Variants in LRRC3B observed in about 807,000 individuals in gnomAD.
LRRC3B encodes the protein leucine rich repeat containing 3B, also known as leucine-rich repeat-containing protein 3B.
In LRRC3B, 2 loss-of-function variants were observed where a neutral mutation model predicts 12.8. That is an observed-to-expected ratio of 0.16 (90% CI 0.06 to 0.49). LRRC3B has a LOEUF of 0.49. LRRC3B is among the 20% of genes least tolerant of loss of function. The probability of loss-of-function intolerance (pLI) is 0.96; values close to 1 mark genes in which losing one functional copy is unlikely to be tolerated. For synonymous variants in LRRC3B, 132 were observed against 122.0 expected (o/e 1.08, Z -0.54); for missense variants, 189 against 319.4 (o/e 0.59, Z 3.11).
intron 1 of LRRC3B, among the ~76,000 whole-genome samples, chr3:26,671,400 A>AGAGAGAGAGAGAGAGAGAGG (rs1205520032): frequency 1.2e-4 from 15 of 126,966 alleles, no homozygotes; most frequent in African/African-American, 4.0e-4. Context: ...AGAGAGAGAG[A>AGAGAGAGAGAGAGAGAGAGG]GAGAGAGAGA....
chr3:26,672,025 A>T (rs556125982), intron 1 of LRRC3B, among the ~76,000 whole-genome samples: 2 of 152,308 alleles, frequency 1.3e-5, no homozygotes, highest in East Asian at 3.9e-4. Flanking sequence ...CATTTTAAAG[A>T]CGTTTCAATA....
At chr3:26,677,546 T>C (rs1699885502) in intron 1 of LRRC3B, among the ~76,000 whole-genome samples, 1 of 152,214 alleles carries the variant, frequency 6.6e-6, no homozygotes, top group Admixed American at 6.5e-5. Context: ...TCAAAGCAGA[T>C]TGGGCAGTGG....
intron 1 of LRRC3B, among the ~76,000 whole-genome samples, chr3:26,661,189 T>C (rs1173578126): frequency 3.9e-5 from 6 of 152,148 alleles, no homozygotes; most frequent in Admixed American, 6.5e-5. Flanking sequence ...AAGGTCTTGT[T>C]CAAAGGGAAT....
chr3:26,628,519 T>C (rs116696335), intron 1 of LRRC3B, among the ~76,000 whole-genome samples: 1,882 of 151,646 alleles, frequency 0.012, 31 homozygotes, highest in Non-Finnish European at 0.015. Context: ...TATATTTAGA[T>C]TTGAATAATC....
At chr3:26,668,404 T>C (rs1699652981) in intron 1 of LRRC3B, among the ~76,000 whole-genome samples, 1 of 152,154 alleles carries the variant, frequency 6.6e-6, no homozygotes. Context: ...GGGGGATCCA[T>C]TGAAGGACTT....
intron 1 of LRRC3B, among the ~76,000 whole-genome samples, chr3:26,632,020 C>T (rs1698767146): frequency 2.0e-5 from 3 of 152,306 alleles, no homozygotes; most frequent in South Asian, 4.1e-4. Flanking sequence ...TGTTACAGAT[C>T]CAACAATGAT....
At chr3:26,678,655 C>T (rs1337009812) in intron 1 of LRRC3B, among the ~76,000 whole-genome samples, 1 of 152,106 alleles carries the variant, frequency 6.6e-6, no homozygotes, top group African/African-American at 2.4e-5. Flanking sequence ...TTAAAGCTTA[C>T]TCTGAAAGAA....
intron 1 of LRRC3B, among the ~76,000 whole-genome samples, chr3:26,688,921 A>T (rs1185494061): frequency 7.2e-5 from 11 of 152,198 alleles, no homozygotes; most frequent in Non-Finnish European, 1.2e-4. Context: ...GGTCACTTGT[A>T]AACAGATGTG....
chr3:26,678,903 T>C (rs1047341672), intron 1 of LRRC3B, among the ~76,000 whole-genome samples: 3 of 151,974 alleles, frequency 2.0e-5, no homozygotes, highest in Non-Finnish European at 4.4e-5. Flanking sequence ...AAAAAAAAAG[T>C]GAAAACTGGA....
At chr3:26,656,415 C>G (rs1486440987) in intron 1 of LRRC3B, among the ~76,000 whole-genome samples, 1 of 152,148 alleles carries the variant, frequency 6.6e-6, no homozygotes, top group Non-Finnish European at 1.5e-5. Flanking sequence ...TTGACTCTAG[C>G]TCTATTATTG....
intron 1 of LRRC3B, among the ~76,000 whole-genome samples, chr3:26,671,354 A>ATATATATATATATATATGTATG (rs1699728861): frequency 1.9e-5 from 1 of 52,512 alleles, no homozygotes; most frequent in African/African-American, 8.4e-5. Context: ...ATGTGTGTAT[A>ATATATATATATATATATGTATG]TATATATATA....
chr3:26,627,931 G>A (rs1224685055), intron 1 of LRRC3B, among the ~76,000 whole-genome samples: 7 of 152,146 alleles, frequency 4.6e-5, no homozygotes, highest in Non-Finnish European at 1.0e-4. Flanking sequence ...ATATCCAAAA[G>A]AAATGGTCTA....
intron 1 of LRRC3B, among the ~76,000 whole-genome samples, 167 bp downstream of exon 1, chr3:26,623,404 C>A (rs970679509): frequency 1.3e-5 from 2 of 152,152 alleles, no homozygotes; most frequent in African/African-American, 4.8e-5. Flanking sequence ...TGGGAGAGAC[C>A]TCCTCCTGGA....
At chr3:26,641,565 G>A (rs1004041523) in intron 1 of LRRC3B, among the ~76,000 whole-genome samples, 1 of 152,148 alleles carries the variant, frequency 6.6e-6, no homozygotes, top group Admixed American at 6.5e-5. Context: ...AACCACTGCA[G>A]TTGGCTTAGG....
At chr3:26,697,649 A>G (rs1559371169) in intron 1 of LRRC3B, among the ~76,000 whole-genome samples, 2 of 152,286 alleles carry the variant, frequency 1.3e-5, no homozygotes, top group South Asian at 2.1e-4. Context: ...CATGCAAAAT[A>G]TATTAATCAT....
chr3:26,650,192 A>G lies in LRRC3B; in HGVS notation c.-161+26955A>G, dbSNP rs1402269872. 2.6e-5 allele frequency among the ~76,000 whole-genome samples: 4 copies of G among 152,222 alleles called. No homozygotes were observed. The South Asian group carries it at 8.3e-4, about 32-fold the overall frequency. ...TACTGCCTACCTTGTCCTCTTACAC[A>G]TTATGAGTACTCAGTAAATATCTGT... is the stretch of plus-strand genomic sequence containing the variant. On this transcript the variant is annotated intron_variant, in intron 1 of 1. Transcript: ENST00000396641.
At chr3:26,706,838 C>T (rs1700601921) in intron 1 of LRRC3B, among the ~76,000 whole-genome samples, 1 of 152,152 alleles carries the variant, frequency 6.6e-6, no homozygotes, top group African/African-American at 2.4e-5. Flanking sequence ...GACCAGTAGA[C>T]ATTTGATGAG....
intron 1 of LRRC3B, among the ~76,000 whole-genome samples, chr3:26,667,942 A>T (rs1298196272): frequency 2.0e-5 from 3 of 151,742 alleles, no homozygotes; most frequent in Non-Finnish European, 4.4e-5. Context: ...TTTTATTATT[A>T]TTATACTTTA....
At chr3:26,642,331 G>A (rs575520908) in intron 1 of LRRC3B, among the ~76,000 whole-genome samples, 2 of 152,340 alleles carry the variant, frequency 1.3e-5, no homozygotes, top group Middle Eastern at 3.4e-3. Flanking sequence ...AGCCACTGGT[G>A]TGGTGGAGGA....
Sources: allele counts gnomAD v4.1 joint callset (sites outside exome capture counted in the v4.1 genomes callset), GRCh38; gene constraint gnomAD v4.1.1; transcripts MANE v1.5; gene names NCBI Gene and HGNC (gene_info 2026-07-23, HGNC 2026-07-21).